KLHL36: variants seen among roughly 807,000 people sequenced by gnomAD.
KLHL36 encodes the protein kelch-like protein 36.
KLHL36 carries 35 observed loss-of-function variants against 53.3 expected under a neutral mutation model. The ratio of observed to expected loss-of-function variants is 0.66; its 90% CI spans 0.50 to 0.87. The LOEUF is 0.87. KLHL36 is among the 40% of genes least tolerant of loss of function. The pLI is 0.00. For synonymous variants in KLHL36, 472 were observed against 398.9 expected, an observed-to-expected ratio of 1.18 and a Z score of -2.18; for missense variants, 864 against 897.6, an observed-to-expected ratio of 0.96 and a Z score of 0.48.
Position 84,657,561 on chromosome 16 carries a change from G to T in KLHL36, c.754G>T (p.Ala252Ser). The T allele has an allele frequency of 6.2e-7, 1 of 1,610,730 alleles. No individual in the cohort carries two copies. Among genetic ancestry groups the T allele is most frequent in the Non-Finnish European group, 8.5e-7 (1 of 1,179,882 alleles). Reference protein sequence around the residue: ...KNDLLHRVKPAVCSLLPKEAN... With the variant: ...KNDLLHRVKPSVCSLLPKEAN... Reference sequence around the variant, plus strand: ...CGACCTGCTGCACCGCGTCAAGCCGGCCGTGTGCTCGCTGCTGCCCAAGGA... The same window carrying T: ...CGACCTGCTGCACCGCGTCAAGCCGTCCGTGTGCTCGCTGCTGCCCAAGGA... The change falls in exon 3 of 5, where the codon GCC becomes TCC. Residue 252 changes from alanine to serine, a missense_variant. By Grantham distance (99) the Ala-to-Ser change is moderately conservative (BLOSUM62 1). Coordinates refer to ENST00000564996, the MANE Select transcript of KLHL36 (RefSeq NM_024731.4).
intron 4 of KLHL36, among the ~76,000 whole-genome samples, chr16:84,660,175 C>G (rs1415852574): frequency 6.6e-6 from 1 of 152,168 alleles, no homozygotes; most frequent in Non-Finnish European, 1.5e-5. Context: ...TGTGCAGTTG[C>G]TGAGCTTCAG....
At position 84,657,292 on chromosome 16, in the gene KLHL36, G is replaced by A. The variant is rs766600206; in HGVS notation, c.485G>A (p.Arg162Gln). 6.8e-6 allele frequency: 11 copies of A among 1,613,860 alleles called. No individual in the cohort carries two copies. Among genetic ancestry groups the A allele is most frequent in the African/African-American group, 5.3e-5 (4 of 74,934 alleles). The change falls in exon 3 of 5, where the codon CGG becomes CAG. Residue 162 changes from arginine (R) to glutamine (Q), a missense_variant. Transcript: ENST00000564996. ...QELASIYSLK[R>Q]LDAFIDGFIL... The stretch of plus-strand genomic sequence containing the variant: ...CTGGCCTCCATCTACAGCCTCAAGC[G>A]GCTTGATGCCTTCATCGATGGCTTC...
Position 84,657,452 on chromosome 16 carries a change from G to T in KLHL36, c.645G>T (p.Leu215=). Residue 215 remains leucine (L), a synonymous_variant, in exon 3 of 5, where the codon CTG becomes CTT. Transcript: ENST00000564996. The part of the protein sequence containing the change: ...ECEHDLLQAA[L]QWLTQQPERE... ...AGCACGACCTCCTGCAGGCCGCCCT[G>T]CAGTGGCTGACGCAGCAGCCCGAGC... The T allele has an allele frequency of 6.2e-7, 1 of 1,606,568 alleles. No homozygotes were observed. Among genetic ancestry groups the T allele is most frequent in the African/African-American group, 1.3e-5 (1 of 75,056 alleles).
intron 2 of KLHL36, among the ~76,000 whole-genome samples, chr16:84,656,123 G>T (rs1907184551): frequency 6.6e-6 from 1 of 152,094 alleles, no homozygotes; most frequent in Non-Finnish European, 1.5e-5. Context: ...CGAACTTCCT[G>T]GCCTCAAGTG....
chr16:84,658,262 G>A (rs1466746037), intron 3 of KLHL36: 6 of 261,228 alleles, frequency 2.3e-5, no homozygotes, highest in Non-Finnish European at 7.2e-6. Context: ...CACTTGAAAT[G>A]TGGCCAGTGC....
intron 2 of KLHL36, among the ~76,000 whole-genome samples, chr16:84,654,933 G>A (rs1907113513): frequency 1.3e-5 from 2 of 152,186 alleles, no homozygotes; most frequent in African/African-American, 2.4e-5. Context: ...TCAGGCCGCA[G>A]TGATCTCTGA....
chr16:84,651,015 T>G (rs1675613685), intron 2 of KLHL36, 85 bp downstream of exon 2: 1 of 1,161,760 alleles, frequency 8.6e-7, no homozygotes, highest in Middle Eastern at 1.9e-4. Flanking sequence ...AATCACAGAC[T>G]GATTTTTTTG....
rs549272409 is a variant in KLHL36, at chr16:84,667,634, C to T, written c.*5501C>T. Reference sequence around the variant, plus strand: ...GATGTCTGGTCCTAATTTCTCTGCCCGTATGAAAAAGAACCCCTTGCCTGT... The same window carrying T: ...GATGTCTGGTCCTAATTTCTCTGCCTGTATGAAAAAGAACCCCTTGCCTGT... On this transcript the variant is annotated 3_prime_UTR_variant, in exon 5 of 5. Coordinates refer to ENST00000564996, the MANE Select transcript of KLHL36 (RefSeq NM_024731.4). 1 of 151,994 alleles carries T rather than the reference C, an allele frequency of 6.6e-6. No homozygotes were observed. Among genetic ancestry groups the T allele is most frequent in the African/African-American group, 2.4e-5 (1 of 41,366 alleles). The allele number at this position is 151,994 out of a possible 1,614,324, so 9.4% of individuals were successfully genotyped here.
At chr16:84,650,110 C>A (rs937291475) in intron 1 of KLHL36, among the ~76,000 whole-genome samples, 1 of 152,086 alleles carries the variant, frequency 6.6e-6, no homozygotes, top group Non-Finnish European at 1.5e-5. Context: ...AGCTGTGTGA[C>A]GCCGGGCAGC....
Position 84,661,944 on chromosome 16 carries a change from C to T in KLHL36, c.1662C>T (p.Tyr554=), listed in dbSNP as rs752377974. The T allele has an allele frequency of 6.2e-7, 1 of 1,600,506 alleles. No homozygotes were observed. Among genetic ancestry groups the T allele is most frequent in the Admixed American group, 1.7e-5 (1 of 57,380 alleles). ...GCCGCATCTACATCCTGGGCGGCTACAGCTGGGAGAACACTGCCTTCTCCA... is the reference window on the plus strand; with the variant it reads ...GCCGCATCTACATCCTGGGCGGCTATAGCTGGGAGAACACTGCCTTCTCCA... ...WEGRIYILGG[Y]SWENTAFSKT... is the part of the protein sequence containing the mutation. Residue 554 remains tyrosine, a synonymous_variant, in exon 5 of 5, where the codon TAC becomes TAT. Transcript: ENST00000564996. The surrounding 1 kb of genome is among the most constrained non-coding windows in gnomAD (Gnocchi z 7.9).
chr16:84,655,306 G>T (rs768136903), intron 2 of KLHL36, among the ~76,000 whole-genome samples: 11 of 152,326 alleles, frequency 7.2e-5, no homozygotes, highest in Non-Finnish European at 1.5e-4. Context: ...GCAACAAAAA[G>T]AAGATTTGAA....
At position 84,648,599 on chromosome 16, in the gene KLHL36, C is replaced by CGGCCCCGCCGCCGGGGCT. The variant is rs1345436484; in HGVS notation, c.-65_-48dup. ...CCCGGGCCCCGCCGCCCCGACCGCC[C>CGGCCCCGCCGCCGGGGCT]GGCCCCGCCGCCGGGGCTGTCCCCG... On this transcript the variant is annotated 5_prime_UTR_variant, in exon 1 of 5. Transcript: ENST00000564996. The surrounding 1 kb of genome is among the most constrained non-coding windows in gnomAD (Gnocchi z 4.9). 1 of 147,862 alleles carries CGGCCCCGCCGCCGGGGCT rather than the reference C, an allele frequency of 6.8e-6. No individual in the cohort carries two copies. The highest frequency in any genetic ancestry group is 2.4e-5 in the African/African-American group (1 of 40,998). 9.2% of individuals were successfully genotyped at this position (147,862 alleles called of 1,614,324 possible).
intron 3 of KLHL36, chr16:84,658,264 G>T (rs1249833755): frequency 1.6e-5 from 4 of 256,144 alleles, no homozygotes; most frequent in Admixed American, 5.3e-5. Flanking sequence ...CTTGAAATGT[G>T]GCCAGTGCGA....
At chr16:84,654,215 A>C (rs1407763307) in intron 2 of KLHL36, among the ~76,000 whole-genome samples, 1 of 152,194 alleles carries the variant, frequency 6.6e-6, no homozygotes, top group East Asian at 1.9e-4. Flanking sequence ...TCATGCCCTC[A>C]TATGCGTCTC....
Position 84,661,946 on chromosome 16 carries a change from G to A in KLHL36, c.1664G>A (p.Ser555Asn). ...EGRIYILGGY[S>N]WENTAFSKTV... ...CGCATCTACATCCTGGGCGGCTACA[G>A]CTGGGAGAACACTGCCTTCTCCAAG... is the stretch of plus-strand genomic sequence containing the variant. The change falls in exon 5 of 5, where the codon AGC (serine) becomes AAC (asparagine). Residue 555 changes from serine (S) to asparagine (N), a missense_variant. Transcript: ENST00000564996. This position sits in a 1 kb window ranked among gnomAD's most constrained non-coding sequence, Gnocchi z 7.9. 6.2e-7 allele frequency: 1 copy of A among 1,600,550 alleles called. No homozygotes were observed. Among genetic ancestry groups the A allele is most frequent in the Non-Finnish European group, 8.5e-7 (1 of 1,174,186 alleles).
intron 2 of KLHL36, 73 bp downstream of exon 2, chr16:84,651,003 C>A: frequency 7.9e-7 from 1 of 1,267,088 alleles, no homozygotes; most frequent in South Asian, 1.3e-5. Flanking sequence ...TCACTCATTT[C>A]TAATCACAGA....
chr16:84,667,141 G>GT lies in KLHL36; in HGVS notation c.*5009dup, dbSNP rs1907886434. The GT allele has an allele frequency of 6.6e-6, 1 of 151,896 alleles. No individual in the cohort carries two copies. The highest frequency in any genetic ancestry group is 2.1e-4 in the South Asian group (1 of 4,812). 9.4% of individuals were successfully genotyped at this position (151,896 alleles called of 1,614,324 possible). A position where few individuals can be genotyped will look rare whatever the true frequency, so the allele number is the denominator to read the frequency against. ...TTGAATGAATGTACACATTTCGGTA[G>GT]TGGGGGGGCAGAGCGGATAACCCCT... On this transcript the variant is annotated 3_prime_UTR_variant, in exon 5 of 5. Coordinates refer to ENST00000564996, the MANE Select transcript of KLHL36 (RefSeq NM_024731.4).
At chr16:84,654,906 G>A (rs531611360) in intron 2 of KLHL36, among the ~76,000 whole-genome samples, 2 of 152,254 alleles carry the variant, frequency 1.3e-5, no homozygotes, top group South Asian at 2.1e-4. Context: ...CACCACGCCC[G>A]GCTGAGCCTA....
At chr16:84,651,732 G>A (rs908072152) in intron 2 of KLHL36, among the ~76,000 whole-genome samples, 2 of 152,060 alleles carry the variant, frequency 1.3e-5, no homozygotes, top group Admixed American at 1.3e-4. Context: ...TCGGGAGGGT[G>A]GAAGGAATTT....
Sources: allele counts gnomAD v4.1 joint callset (sites outside exome capture counted in the v4.1 genomes callset), GRCh38; gene constraint gnomAD v4.1.1; non-coding constraint Gnocchi (gnomAD v3.1); transcripts MANE v1.5; gene names NCBI Gene and HGNC (gene_info 2026-07-23, HGNC 2026-07-21).